Variants in FMN1 observed in about 807,000 individuals in gnomAD.
FMN1 encodes formin 1.
A neutral mutation model predicts 132.4 loss-of-function variants in FMN1; 110 were observed. That is an observed-to-expected ratio of 0.83 (90% CI 0.71 to 0.97). The LOEUF is 0.97. FMN1 is among the 50% of genes least tolerant of loss of function. The pLI, the probability that FMN1 is intolerant of heterozygous loss-of-function variation, is 0.00. For synonymous variants in FMN1, 722 were observed against 651.7 expected, an observed-to-expected ratio of 1.11 and a Z score of -1.64; for missense variants, 1,792 against 1,705.3, an observed-to-expected ratio of 1.05 and a Z score of -0.90.
rs548995639 is a variant in FMN1, at chr15:32,986,967, G to A, written c.2224-17490C>T. Among the ~76,000 whole-genome samples, 19 of 152,158 alleles carry A rather than the reference G, an allele frequency of 1.2e-4. No homozygotes were observed. In the South Asian group the frequency reaches 3.7e-3, roughly 30 times the overall value. On this transcript the variant is annotated intron_variant, in intron 7 of 20. Transcript: ENST00000616417. ...TGATCAAACATGGACTATAATTTAT[G>A]AAATATTTTCAAAATAAACATTTAA...
At chr15:33,016,122 AAC>A (rs1566828085) in intron 6 of FMN1, among the ~76,000 whole-genome samples, 3 of 149,972 alleles carry the variant, frequency 2.0e-5, no homozygotes, top group African/African-American at 7.3e-5. Context: ...TCATTAAAAT[AAC>A]AAATTAAATA....
At chr15:32,958,542 G>C (rs1010767836) in intron 9 of FMN1, among the ~76,000 whole-genome samples, 3 of 146,988 alleles carry the variant, frequency 2.0e-5, no homozygotes, top group African/African-American at 7.9e-5. Context: ...TGCCTAGTTT[G>C]AGAAGATATA....
At chr15:33,047,524 G>C (rs888094381) in intron 6 of FMN1, among the ~76,000 whole-genome samples, 5 of 152,180 alleles carry the variant, frequency 3.3e-5, no homozygotes, top group Admixed American at 1.3e-4. Context: ...AAAAGCAGAG[G>C]AAGCACCACA....
intron 17 of FMN1, among the ~76,000 whole-genome samples, chr15:32,832,107 G>A (rs1349401081): frequency 3.9e-5 from 6 of 152,158 alleles, no homozygotes; most frequent in South Asian, 2.1e-4. Flanking sequence ...AAAAACACCC[G>A]TATAACTATG....
chr15:32,931,484 C>T (rs1208811263), intron 9 of FMN1, among the ~76,000 whole-genome samples: 4 of 152,160 alleles, frequency 2.6e-5, no homozygotes, highest in South Asian at 4.1e-4. Context: ...TTCTTAATTT[C>T]CCTTCCAGGT....
At chr15:32,961,400 C>A (rs1015726954) in intron 9 of FMN1, among the ~76,000 whole-genome samples, 1 of 152,110 alleles carries the variant, frequency 6.6e-6, no homozygotes, top group African/African-American at 2.4e-5. Context: ...TCCCAAAGTG[C>A]TAGGATTATA....
At chr15:32,943,726 T>C (rs995083912) in intron 9 of FMN1, among the ~76,000 whole-genome samples, 6 of 152,216 alleles carry the variant, frequency 3.9e-5, no homozygotes, top group African/African-American at 9.6e-5. Flanking sequence ...GTCTAAACTT[T>C]AGCTGCATTA....
intron 7 of FMN1, among the ~76,000 whole-genome samples, chr15:32,980,529 T>C (rs1596388853): frequency 6.6e-6 from 1 of 152,324 alleles, no homozygotes; most frequent in South Asian, 2.1e-4. Context: ...TTTAAAACTG[T>C]ACAGTATTAT....
At chr15:33,148,082 T>G (rs1460661428) in intron 4 of FMN1, among the ~76,000 whole-genome samples, 5 of 151,956 alleles carry the variant, frequency 3.3e-5, no homozygotes, top group Non-Finnish European at 7.3e-5. Context: ...GAGAAAGAAA[T>G]AAAACACTGT....
intron 5 of FMN1, among the ~76,000 whole-genome samples, chr15:33,084,278 C>A (rs1194617286): frequency 6.6e-6 from 1 of 152,180 alleles, no homozygotes; most frequent in Non-Finnish European, 1.5e-5. Flanking sequence ...TGGATCAAGA[C>A]CCCTATCTGG....
chr15:32,990,811 G>A (rs2033388374), intron 7 of FMN1, among the ~76,000 whole-genome samples: 1 of 152,130 alleles, frequency 6.6e-6, no homozygotes, highest in Admixed American at 6.5e-5. Flanking sequence ...CATGGTGGCA[G>A]GAAGGAGAAG....
At chr15:33,019,036 G>A (rs890715863) in intron 6 of FMN1, among the ~76,000 whole-genome samples, 13 of 152,198 alleles carry the variant, frequency 8.5e-5, no homozygotes, top group South Asian at 4.1e-4. Context: ...TGCGGAAGAG[G>A]ACCTGAGCGG....
intron 6 of FMN1, among the ~76,000 whole-genome samples, chr15:33,058,847 A>C (rs763423350): frequency 6.6e-6 from 1 of 152,218 alleles, no homozygotes; most frequent in Non-Finnish European, 1.5e-5. Context: ...GGTATGATTA[A>C]ATTAAGCTAA....
chr15:33,110,451 T>C (rs1468562029), intron 4 of FMN1, among the ~76,000 whole-genome samples: 2 of 151,668 alleles, frequency 1.3e-5, no homozygotes, highest in Admixed American at 6.6e-5. Flanking sequence ...TGGGTGGTGA[T>C]AATGGAAGGT....
chr15:32,998,158 C>T (rs2033887955), intron 7 of FMN1, among the ~76,000 whole-genome samples: 1 of 152,068 alleles, frequency 6.6e-6, no homozygotes, highest in Non-Finnish European at 1.5e-5. Flanking sequence ...TTATTGTGCT[C>T]AATGAATAAA....
intron 4 of FMN1, among the ~76,000 whole-genome samples, chr15:33,104,495 C>CA (rs2039409004): frequency 2.6e-5 from 4 of 151,810 alleles, no homozygotes; most frequent in African/African-American, 9.7e-5. Context: ...AAAGCCACAA[C>CA]CACCCTGGTA....
intron 12 of FMN1, among the ~76,000 whole-genome samples, chr15:32,904,729 A>T (rs2060379786): frequency 6.6e-6 from 1 of 152,194 alleles, no homozygotes; most frequent in Non-Finnish European, 1.5e-5. Context: ...AAAAAAATAG[A>T]GTTTTATGAC....
intron 9 of FMN1, among the ~76,000 whole-genome samples, chr15:32,942,125 G>A (rs2061414362): frequency 6.6e-6 from 1 of 152,184 alleles, no homozygotes; most frequent in Non-Finnish European, 1.5e-5. Context: ...CATGTCACAC[G>A]TGCGTACTAT....
At chr15:33,105,807 C>G (rs917372696) in intron 4 of FMN1, 5 of 135,888 alleles carry the variant, frequency 3.7e-5, no homozygotes, top group Admixed American at 7.6e-5. Context: ...TGTAATAGGA[C>G]AAGAAAAAAA....
Sources: allele counts gnomAD v4.1 joint callset (sites outside exome capture counted in the v4.1 genomes callset), GRCh38; gene constraint gnomAD v4.1.1; transcripts MANE v1.5; gene names NCBI Gene and HGNC (gene_info 2026-07-23, HGNC 2026-07-21).